BRF1: variants seen among roughly 807,000 people sequenced by gnomAD.
BRF1 encodes the protein BRF1 general transcription factor IIIB subunit.
Under a neutral mutation model 81.7 loss-of-function variants are expected in BRF1, and 59 were observed. That is an observed-to-expected ratio of 0.72 (90% CI 0.59 to 0.90). The LOEUF (loss-of-function observed/expected upper bound fraction) is 0.90, where lower values mean the gene tolerates loss of function less well. Ranked by LOEUF, BRF1 falls within the 40% of genes least tolerant of loss-of-function variation. The pLI, the probability that BRF1 is intolerant of heterozygous loss-of-function variation, is 0.00. For missense variants in BRF1, 1,050 were observed against 936.3 expected, an observed-to-expected ratio of 1.12 and a Z score of -1.58; for synonymous variants, 491 against 395.6, an observed-to-expected ratio of 1.24 and a Z score of -2.86.
intron 2 of BRF1, among the ~76,000 whole-genome samples, chr14:105,285,853 C>T (rs2057295528): frequency 6.6e-6 from 1 of 152,192 alleles, no homozygotes; most frequent in South Asian, 2.1e-4. Flanking sequence ...TATATAAAAT[C>T]ACACATCCGA....
At chr14:105,313,569 T>G (rs1025468952) in intron 1 of BRF1, among the ~76,000 whole-genome samples, 1 of 152,196 alleles carries the variant, frequency 6.6e-6, no homozygotes, top group Non-Finnish European at 1.5e-5. Flanking sequence ...CTGAGCTCTC[T>G]CAACGGAGGA....
chr14:105,221,051 C>T (rs587664715), intron 11 of BRF1, among the ~76,000 whole-genome samples: 5 of 152,246 alleles, frequency 3.3e-5, no homozygotes, highest in Non-Finnish European at 7.3e-5. Context: ...GCTCCTCACA[C>T]AGAGGCCAGG....
upstream of BRF1, among the ~76,000 whole-genome samples, chr14:105,301,572 C>T: frequency 6.6e-6 from 1 of 152,172 alleles, no homozygotes; most frequent in East Asian, 1.9e-4. Flanking sequence ...CCGCCAGGGG[C>T]CACCCTGCCC....
At chr14:105,229,172 G>C (rs1038991151) in intron 6 of BRF1, among the ~76,000 whole-genome samples, 12 of 152,322 alleles carry the variant, frequency 7.9e-5, no homozygotes, top group Middle Eastern at 3.4e-3. Context: ...AGAGCTTCAC[G>C]TAATCCCTCA....
At chr14:105,212,702 G>A (rs1226394503) in intron 15 of BRF1, 1 of 156,080 alleles carries the variant, frequency 6.4e-6, no homozygotes, top group Non-Finnish European at 1.4e-5. Flanking sequence ...CAGGGGAGAG[G>A]ACGCAGGCAT....
chr14:105,314,871 G>C (rs1192309112), intron 1 of BRF1: 1 of 894,680 alleles, frequency 1.1e-6, no homozygotes, highest in Non-Finnish European at 1.3e-6. Context: ...GCGCGTCCGC[G>C]GCCCGGCCGC....
chr14:105,241,397 G>C lies in BRF1; in HGVS notation c.562C>G (p.Pro188Ala). The C allele has an allele frequency of 1.2e-6, 2 of 1,612,440 alleles. No individual in the cohort carries two copies. The highest frequency in any genetic ancestry group is 8.5e-7 in the Non-Finnish European group (1 of 1,179,922). ...AATTCCAGCAGGTGCGCAAAGCGTGGAATATACAGGCACGGGTCTGCGGCA... is the reference window on the plus strand; with the variant it reads ...AATTCCAGCAGGTGCGCAAAGCGTGCAATATACAGGCACGGGTCTGCGGCA... ...APAIDPCLYIPRFAHLLEFGE... is the reference protein window; with the variant it reads ...APAIDPCLYIARFAHLLEFGE... The change falls in exon 6 of 18, where the codon CCA becomes GCA. Residue 188 changes from proline to alanine, a missense_variant. Transcript: ENST00000547530.
chr14:105,313,919 T>TTGGGTCCCCAAGTTCAC (rs1211455341), intron 1 of BRF1, among the ~76,000 whole-genome samples: 2 of 152,230 alleles, frequency 1.3e-5, no homozygotes, highest in Non-Finnish European at 1.5e-5. Flanking sequence ...TCCTCTTTGC[T>TTGGGTCCCCAAGTTCAC]TGGGTCCCCA....
At chr14:105,225,685 T>C (rs1892975810) in intron 10 of BRF1, among the ~76,000 whole-genome samples, 1 of 152,044 alleles carries the variant, frequency 6.6e-6, no homozygotes, top group African/African-American at 2.4e-5. Flanking sequence ...TCTCGCTCTG[T>C]CACCCAGGCT....
chr14:105,217,333 C>T (rs1270274266), intron 15 of BRF1: 15 of 736,538 alleles, frequency 2.0e-5, no homozygotes, highest in Non-Finnish European at 1.9e-5. Context: ...TGGACCCGCC[C>T]GTCCGCTCAC....
chr14:105,281,330 G>T (rs1358019254), intron 2 of BRF1, among the ~76,000 whole-genome samples: 1 of 143,774 alleles, frequency 7.0e-6, no homozygotes, highest in Non-Finnish European at 1.5e-5. Flanking sequence ...TACAGCCTGC[G>T]TGATCCTGAG....
intron 6 of BRF1, among the ~76,000 whole-genome samples, chr14:105,229,615 C>A (rs1221652335): frequency 2.6e-5 from 4 of 152,218 alleles, no homozygotes; most frequent in South Asian, 2.1e-4. Context: ...TCACAGAGGT[C>A]CAACTAGAAC....
rs992959516 is a variant in BRF1 at position 105,241,775 on chromosome 14, G to C, written c.545-361C>G. 92 of 287,312 alleles carry C rather than the reference G, an allele frequency of 3.2e-4. 1 individual carries two copies. Among genetic ancestry groups the C allele is most frequent in the Non-Finnish European group, 8.3e-5 (12 of 144,906 alleles). 17.8% of individuals were successfully genotyped at this position (287,312 alleles called of 1,614,324 possible). The stretch of plus-strand genomic sequence containing the variant: ...CGCAACAACGGTCCGGGGACTCTTA[G>C]AGCAAGACAGGCGTGGGCTGGGTAC... On this transcript the variant is annotated intron_variant, in intron 5 of 17. Transcript: ENST00000547530.
At chr14:105,250,793 T>C (rs2055561765) in intron 5 of BRF1, 1 of 1,079,140 alleles carries the variant, frequency 9.3e-7, no homozygotes, top group Non-Finnish European at 1.3e-6. Context: ...TGTAGTCAGC[T>C]GAAGCTTGAC....
At chr14:105,293,640 C>T (rs1398959515) in intron 1 of BRF1, among the ~76,000 whole-genome samples, 1 of 152,188 alleles carries the variant, frequency 6.6e-6, no homozygotes, top group Non-Finnish European at 1.5e-5. Context: ...CAGGGCACTG[C>T]CAACGGCCCC....
chr14:105,299,086 T>C (rs2057869739), intron 1 of BRF1, among the ~76,000 whole-genome samples: 2 of 151,666 alleles, frequency 1.3e-5, no homozygotes, highest in Non-Finnish European at 2.9e-5. Flanking sequence ...GGCAGGAGAA[T>C]GGCGTGAGCC....
intron 15 of BRF1, among the ~76,000 whole-genome samples, chr14:105,216,960 G>A (rs35486353): frequency 6.6e-6 from 1 of 152,168 alleles, no homozygotes; most frequent in African/African-American, 2.4e-5. Flanking sequence ...CCATGGCCTC[G>A]TCAGGAGAGC....
chr14:105,216,823 GGTGGA>G (rs1566799307), intron 15 of BRF1, among the ~76,000 whole-genome samples: 1 of 152,186 alleles, frequency 6.6e-6, no homozygotes, highest in East Asian at 1.9e-4. Context: ...GACTCGGTGG[GGTGGA>G]GTGAAGGTCG....
intron 5 of BRF1, chr14:105,247,697 T>C (rs1427426618): frequency 2.0e-6 from 2 of 985,156 alleles, no homozygotes; most frequent in Non-Finnish European, 1.2e-6. Context: ...TATGGAAGTT[T>C]TAAAAGTCTA....
Sources: gnomAD v4.1 joint callset for allele counts (sites outside exome capture counted in the v4.1 genomes callset) on GRCh38, gnomAD v4.1.1 for gene constraint, MANE v1.5 for transcripts, NCBI Gene and HGNC (gene_info 2026-07-23, HGNC 2026-07-21) for gene names.